Variants in CADM2 observed in about 807,000 individuals in gnomAD.
CADM2 encodes the protein cell adhesion molecule 2, also known as immunoglobulin superfamily member 4D.
In CADM2, 12 loss-of-function variants were observed where a neutral mutation model predicts 49.8. The observed-to-expected ratio is 0.24, with a 90% CI of 0.15 to 0.39. CADM2 has a LOEUF of 0.39. Ranked by LOEUF, CADM2 falls within the 10% of genes least tolerant of loss-of-function variation. CADM2 has a pLI of 1.00. For synonymous variants in CADM2, 214 were observed against 175.4 expected (o/e 1.22, Z -1.74); for missense variants, 378 against 492.3 (o/e 0.77, Z 2.20).
chr3:85,318,022 G>A (rs901312198), intron 1 of CADM2, among the ~76,000 whole-genome samples: 2 of 151,854 alleles, frequency 1.3e-5, no homozygotes, highest in Non-Finnish European at 2.9e-5. Context: ...TTTATAAATT[G>A]AAAGACAGTG....
At chr3:85,650,124 A>T (rs1023093104) in intron 1 of CADM2, among the ~76,000 whole-genome samples, 4 of 152,146 alleles carry the variant, frequency 2.6e-5, no homozygotes, top group Non-Finnish European at 4.4e-5. Flanking sequence ...CGTTCAATTA[A>T]GTAAATGTTC....
At chr3:85,948,316 C>CT (rs957971193) in intron 7 of CADM2, among the ~76,000 whole-genome samples, 20 of 151,016 alleles carry the variant, frequency 1.3e-4, no homozygotes, top group East Asian at 3.9e-4. Context: ...AAGATTTGCA[C>CT]TTTTTTTTGC....
intron 1 of CADM2, among the ~76,000 whole-genome samples, chr3:85,474,890 C>G (rs1230460819): frequency 6.6e-6 from 1 of 151,854 alleles, no homozygotes; most frequent in African/African-American, 2.4e-5. Context: ...AATAAAGGTG[C>G]TCCATGTGTT....
In CADM2 at chr3:85,298,640, A is replaced by G. The variant is rs563437207; in HGVS notation, c.61+338972A>G. On this transcript the variant is annotated intron_variant, in intron 1 of 9. Transcript: ENST00000383699. ...TTGTCACCTTTCATCCCTAGGCCTTAGCTGAATTTGTGCAGCAAAGAAAAT... is the reference window on the plus strand; with the variant it reads ...TTGTCACCTTTCATCCCTAGGCCTTGGCTGAATTTGTGCAGCAAAGAAAAT... 1.1e-4 allele frequency among the ~76,000 whole-genome samples: 16 copies of G among 152,240 alleles called. 1 individual carries two copies. Among genetic ancestry groups the G allele is most frequent in the Admixed American group, 9.8e-4 (15 of 15,262 alleles).
At chr3:85,293,782 T>C (rs1426168391) in intron 1 of CADM2, among the ~76,000 whole-genome samples, 3 of 148,852 alleles carry the variant, frequency 2.0e-5, no homozygotes, top group Admixed American at 1.3e-4. Context: ...ATTGATGGGA[T>C]GTATTTCAAA....
chr3:85,835,955 ATG>A (rs1233964780), intron 3 of CADM2, among the ~76,000 whole-genome samples: 4 of 151,172 alleles, frequency 2.6e-5, no homozygotes, highest in African/African-American at 9.7e-5. Context: ...AAAGCATCAT[ATG>A]TGTTTAAAAG....
chr3:86,028,223 CAA>C (rs371077792), intron 8 of CADM2, among the ~76,000 whole-genome samples: 38 of 115,946 alleles, frequency 3.3e-4, no homozygotes, highest in Admixed American at 5.1e-4. Context: ...AAAAAGAAGT[CAA>C]AAAAAAAAAA....
chr3:85,969,516 A>T (rs1048471605), intron 8 of CADM2, among the ~76,000 whole-genome samples: 3 of 151,330 alleles, frequency 2.0e-5, no homozygotes, highest in African/African-American at 7.3e-5. Context: ...ATTACCATCT[A>T]AATTGTCCCC....
At chr3:85,394,704 GATTTAGAT>G (rs1411236622) in intron 1 of CADM2, among the ~76,000 whole-genome samples, 2 of 152,054 alleles carry the variant, frequency 1.3e-5, no homozygotes, top group Non-Finnish European at 2.9e-5. Context: ...CATTTATCAT[GATTTAGAT>G]ATTTATCAGA....
At chr3:85,583,191 T>C (rs563245565) in intron 1 of CADM2, among the ~76,000 whole-genome samples, 14 of 152,142 alleles carry the variant, frequency 9.2e-5, no homozygotes, top group Non-Finnish European at 1.9e-4. Context: ...TTATAAGAAC[T>C]CGAAAAGCCT....
intron 1 of CADM2, among the ~76,000 whole-genome samples, chr3:85,096,790 A>C (rs551599221): frequency 1.3e-4 from 20 of 152,272 alleles, no homozygotes; most frequent in African/African-American, 4.3e-4. Context: ...TATATAAAGT[A>C]TACTAATCCA....
chr3:85,573,550 A>T (rs1266734946), intron 1 of CADM2, among the ~76,000 whole-genome samples: 1 of 152,094 alleles, frequency 6.6e-6, no homozygotes. Context: ...ATTAACTACT[A>T]TCAGTGTAAC....
chr3:86,014,163 G>A, intron 8 of CADM2: 1 of 1,289,636 alleles, frequency 7.8e-7, no homozygotes, highest in Non-Finnish European at 1.1e-6. Context: ...ACTCCTGCAA[G>A]CACTTGTTTT....
intron 1 of CADM2, among the ~76,000 whole-genome samples, chr3:85,428,078 T>C (rs994306447): frequency 7.9e-5 from 12 of 151,884 alleles, no homozygotes; most frequent in Non-Finnish European, 1.2e-4. Context: ...CTAAGTCATC[T>C]TGTCCAAAAT....
intron 1 of CADM2, among the ~76,000 whole-genome samples, chr3:85,135,684 G>A (rs1411105128): frequency 6.6e-6 from 1 of 151,986 alleles, no homozygotes; most frequent in Non-Finnish European, 1.5e-5. Flanking sequence ...AATGTGATTG[G>A]CAATTAATCA....
At chr3:85,713,085 CA>C (rs1393444921) in intron 1 of CADM2, among the ~76,000 whole-genome samples, 1 of 152,016 alleles carries the variant, frequency 6.6e-6, no homozygotes, top group African/African-American at 2.4e-5. Flanking sequence ...TCTCTTAAAA[CA>C]GTGTTTTTGT....
intron 1 of CADM2, among the ~76,000 whole-genome samples, chr3:85,653,258 C>T (rs943606538): frequency 6.8e-6 from 1 of 148,076 alleles, no homozygotes; most frequent in African/African-American, 2.5e-5. Flanking sequence ...AGGAGGGGAG[C>T]CATAGGAGGG....
At chr3:85,495,297 T>G (rs772932002) in intron 1 of CADM2, among the ~76,000 whole-genome samples, 5 of 152,170 alleles carry the variant, frequency 3.3e-5, no homozygotes, top group African/African-American at 4.8e-5. Context: ...TCTGCATTTT[T>G]GTAAGAAATC....
At chr3:85,280,575 G>A (rs76441232) in intron 1 of CADM2, among the ~76,000 whole-genome samples, 8,590 of 151,362 alleles carry the variant, frequency 0.057, 325 homozygotes, top group East Asian at 0.14. Flanking sequence ...TCCTGGATCC[G>A]GTTATCCACG....
Sources: gnomAD v4.1 joint callset for allele counts (sites outside exome capture counted in the v4.1 genomes callset) on GRCh38, gnomAD v4.1.1 for gene constraint, MANE v1.5 for transcripts, NCBI Gene and HGNC (gene_info 2026-07-23, HGNC 2026-07-21) for gene names.